Variants in PIGN observed in about 807,000 individuals in gnomAD.
PIGN encodes phosphatidylinositol glycan anchor biosynthesis class N.
PIGN carries 117 observed loss-of-function variants against 125.4 expected under a neutral mutation model. The ratio of observed to expected loss-of-function variants is 0.93; its 90% CI spans 0.80 to 1.09. The LOEUF (loss-of-function observed/expected upper bound fraction) is 1.09. PIGN is among the 50% of genes least tolerant of loss of function. PIGN has a pLI of 0.00. For synonymous variants in PIGN, 392 were observed against 377.8 expected (o/e 1.04, Z -0.44); for missense variants, 1,075 against 1,094.9 (o/e 0.98, Z 0.26).
chr18:62,083,296 T>C (rs1219776100), intron 27 of PIGN, among the ~76,000 whole-genome samples: 1 of 152,156 alleles, frequency 6.6e-6, no homozygotes, highest in Non-Finnish European at 1.5e-5. Context: ...AATAAAGCTA[T>C]AGTAAAATTT....
intron 16 of PIGN, among the ~76,000 whole-genome samples, chr18:62,111,201 T>A (rs925496293): frequency 2.0e-5 from 3 of 152,044 alleles, no homozygotes; most frequent in African/African-American, 7.2e-5. Context: ...AATCCCTCCA[T>A]CTATATTATG....
intron 1 of PIGN, among the ~76,000 whole-genome samples, chr18:62,180,734 A>G (rs2037688765): frequency 6.6e-6 from 1 of 152,132 alleles, no homozygotes; most frequent in South Asian, 2.1e-4. Context: ...ATGTGTGTGT[A>G]TGTTTATATA....
At position 62,138,271 on chromosome 18, in the gene PIGN, T is replaced by C. The variant is rs1303809190; in HGVS notation, c.1144A>G (p.Thr382Ala). The change falls in exon 14 of 31, where the codon ACT becomes GCT. Residue 382 changes from threonine to alanine, a missense_variant. By Grantham distance (58) the Thr-to-Ala change is moderately conservative. This residue lies in a region of PIGN where 915 missense variants were observed against 908.7 expected (regional missense o/e 1.01). Coordinates refer to ENST00000640252, the MANE Select transcript of PIGN (RefSeq NM_176787.5). Reference sequence around the variant, plus strand: ...AATGGTGTAAACAAAAATGGTAAAGTAACTTCTTTCTTCTGAGTCATTTTC... The same window carrying C: ...AATGGTGTAAACAAAAATGGTAAAGCAACTTCTTTCTTCTGAGTCATTTTC... ...KVKMTQKKEV[T>A]LPFLFTPFKL... The C allele has an allele frequency of 2.6e-6, 4 of 1,547,208 alleles. No homozygotes were observed. Among genetic ancestry groups the C allele is most frequent in the Middle Eastern group, 1.7e-4 (1 of 5,976 alleles).
At chr18:62,148,885 T>C (rs972159152) in intron 7 of PIGN, among the ~76,000 whole-genome samples, 6 of 152,052 alleles carry the variant, frequency 3.9e-5, no homozygotes, top group African/African-American at 1.4e-4. Context: ...ATTAATAAAA[T>C]ATTACTTGGC....
At chr18:62,039,083 G>A (rs533340892), downstream of PIGN, among the ~76,000 whole-genome samples, 4 of 151,884 alleles carry the variant, frequency 2.6e-5, no homozygotes, top group Admixed American at 1.3e-4. Context: ...GAGAAATAAC[G>A]AAAACAGAAA....
chr18:62,114,479 C>T, intron 15 of PIGN, 82 bp downstream of exon 15: 1 of 822,328 alleles, frequency 1.2e-6, no homozygotes, highest in East Asian at 2.7e-5. Flanking sequence ...GCTCCCTGGC[C>T]TGCCTACTTT....
At chr18:62,178,243 G>A (rs2037594367) in intron 1 of PIGN, among the ~76,000 whole-genome samples, 1 of 152,010 alleles carries the variant, frequency 6.6e-6, no homozygotes, top group African/African-American at 2.4e-5. Flanking sequence ...ACAGCACTCT[G>A]AAATTCAGCT....
intron 14 of PIGN, among the ~76,000 whole-genome samples, chr18:62,125,058 A>AC (rs2035457808): frequency 6.6e-6 from 1 of 151,942 alleles, no homozygotes; most frequent in South Asian, 2.1e-4. Flanking sequence ...ATTTGTACAT[A>AC]CATGTATATA....
intron 1 of PIGN, among the ~76,000 whole-genome samples, chr18:62,175,208 T>C (rs936871762): frequency 6.6e-6 from 1 of 151,334 alleles, no homozygotes; most frequent in Admixed American, 6.6e-5. Context: ...AGTCCATTAT[T>C]TTTCACCTGG....
chr18:62,105,350 C>T (rs960128042), intron 20 of PIGN, 193 bp downstream of exon 20: 9 of 363,358 alleles, frequency 2.5e-5, no homozygotes, highest in Admixed American at 4.7e-5. Flanking sequence ...AGCCCGAAAG[C>T]ACCTACTAGG....
At chr18:62,084,704 T>C (rs2033609683) in intron 26 of PIGN, 98 bp from the exon 27 acceptor site, 3 of 823,540 alleles carry the variant, frequency 3.6e-6, no homozygotes, top group Non-Finnish European at 6.0e-6. Flanking sequence ...CTCTGAAATC[T>C]ACTTACTAAA....
In PIGN at chr18:62,146,971, C is replaced by A; in HGVS notation, c.805G>T (p.Gly269Cys). 1.9e-6 allele frequency: 3 copies of A among 1,611,126 alleles called. No homozygotes were observed. Among genetic ancestry groups the A allele is most frequent in the Non-Finnish European group, 2.5e-6 (3 of 1,177,886 alleles). The change falls in exon 9 of 31, where the codon GGT (glycine) becomes TGT (cysteine). Residue 269 changes from glycine to cysteine, a missense_variant and splice_region_variant. Around this residue, in one of 3 missense-constraint regions of PIGN, gnomAD observed 915 missense variants for 908.7 expected, o/e 1.01. Coordinates refer to ENST00000640252, the MANE Select transcript of PIGN (RefSeq NM_176787.5). ...ACATATCAATTAAAGACACACTAAC[C>A]CCAGTCTGTCATTCCATGGTCAGAG... ...FTSDHGMTDW[G>C]SHGAGHPSET...
At position 62,090,565 on chromosome 18, in the gene PIGN, A is replaced by T; in HGVS notation, c.2194T>A (p.Phe732Ile). 6.2e-7 allele frequency: 1 copy of T among 1,602,188 alleles called. No individual in the cohort carries two copies. The highest frequency in any genetic ancestry group is 8.5e-7 in the Non-Finnish European group (1 of 1,170,196). ...LLLSTGYEAL[F>I]PLVLSCLMFV... The stretch of plus-strand genomic sequence containing the variant: ...ATCAAACAAGACAACACTAGTGGAA[A>T]GAGAGCTTCATACCTAACAGGTGGG... The change falls in exon 24 of 31, where the codon TTT becomes ATT. Residue 732 changes from phenylalanine to isoleucine, a missense_variant. By Grantham distance (21) the Phe-to-Ile change is conservative (BLOSUM62 0). Coordinates refer to ENST00000640252, the MANE Select transcript of PIGN (RefSeq NM_176787.5).
At chr18:62,102,224 T>C (rs62095314) in intron 21 of PIGN, among the ~76,000 whole-genome samples, 25,288 of 149,548 alleles carry the variant, frequency 0.17, 2,875 homozygotes, top group Middle Eastern at 0.28. Flanking sequence ...TAAGACCTCA[T>C]TTCAAAAAAA....
chr18:62,117,551 CCT>C (rs1491029323), intron 14 of PIGN, among the ~76,000 whole-genome samples: 5 of 145,494 alleles, frequency 3.4e-5, no homozygotes, highest in East Asian at 1.9e-4. Flanking sequence ...TCAGCCCCCC[CCT>C]CTAAAAAGAA....
chr18:62,068,544 T>TCAG (rs1273904092), intron 30 of PIGN, among the ~76,000 whole-genome samples: 1 of 152,226 alleles, frequency 6.6e-6, no homozygotes, highest in African/African-American at 2.4e-5. Flanking sequence ...TGGATCTGAT[T>TCAG]CAGCACAGCA....
chr18:62,141,481 G>A (rs771500890), intron 11 of PIGN, among the ~76,000 whole-genome samples: 1 of 152,142 alleles, frequency 6.6e-6, no homozygotes. Flanking sequence ...TTTCAGATAC[G>A]TTCGCTAGTC....
At chr18:62,137,119 T>A in intron 14 of PIGN, 2 of 398,632 alleles carry the variant, frequency 5.0e-6, no homozygotes, top group Middle Eastern at 1.3e-3. Context: ...ACAGCTAGAA[T>A]AAAGCAGGCA....
chr18:62,094,013 T>C (rs994562860), intron 23 of PIGN, among the ~76,000 whole-genome samples: 1 of 152,154 alleles, frequency 6.6e-6, no homozygotes, highest in Non-Finnish European at 1.5e-5. Context: ...GCCTTATTAT[T>C]CTGATTTTAG....
Sources: allele counts gnomAD v4.1 joint callset (sites outside exome capture counted in the v4.1 genomes callset), GRCh38; gene constraint gnomAD v4.1.1; regional missense constraint gnomAD v4.1.1; transcripts MANE v1.5; gene names NCBI Gene and HGNC (gene_info 2026-07-23, HGNC 2026-07-21).